The following PKIB variants were observed in gnomAD, a reference collection of about 807,000 sequenced individuals.
The protein encoded by PKIB is PKI-beta.
In PKIB, 2 loss-of-function variants were observed where a neutral mutation model predicts 4.5. The observed-to-expected ratio is 0.44, with a 90% CI of 0.18 to 1.39. PKIB has a LOEUF of 1.39. PKIB is among the 40% of genes most tolerant of loss of function. PKIB has a pLI of 0.27. For missense variants in PKIB, 94 were observed against 92.6 expected (o/e 1.02, Z -0.06); for synonymous variants, 38 against 36.0 (o/e 1.06, Z -0.20).
At chr6:122,723,465 T>A (rs971465936) in intron 4 of PKIB, among the ~76,000 whole-genome samples, 1 of 152,114 alleles carries the variant, frequency 6.6e-6, no homozygotes, top group Admixed American at 6.6e-5. Flanking sequence ...CATCCTTTTC[T>A]CCCCTCTTTT....
chr6:122,524,863 A>T (rs918943317), intron 2 of PKIB, among the ~76,000 whole-genome samples: 1 of 150,498 alleles, frequency 6.6e-6, no homozygotes, highest in South Asian at 2.1e-4. Flanking sequence ...CTTTTTTTTA[A>T]CATAATCTGC....
intron 2 of PKIB, among the ~76,000 whole-genome samples, chr6:122,660,912 T>TA (rs1776959515): frequency 6.6e-6 from 1 of 152,154 alleles, no homozygotes; most frequent in Non-Finnish European, 1.5e-5. Context: ...ATAAGACACT[T>TA]ACATTTATAG....
chr6:122,625,769 T>C (rs1228351107), intron 1 of PKIB, among the ~76,000 whole-genome samples: 1 of 152,050 alleles, frequency 6.6e-6, no homozygotes, highest in East Asian at 1.9e-4. Context: ...GGGAAAGAAA[T>C]AGACTACAGA....
intron 2 of PKIB, chr6:122,644,739 A>G (rs1391560835): frequency 4.1e-5 from 6 of 145,088 alleles, no homozygotes; most frequent in Non-Finnish European, 6.2e-5. Context: ...TTTGTTTTCA[A>G]TACATCTTGA....
intron 3 of PKIB, among the ~76,000 whole-genome samples, chr6:122,700,171 T>TTGTTGA (rs1778745346): frequency 7.7e-6 from 1 of 129,366 alleles, no homozygotes. Context: ...TAGGGTTCTG[T>TTGTTGA]TGTTGTTGTT....
Position 122,581,360 on chromosome 6 carries a change from C to A in PKIB, c.-247-4561C>A, listed in dbSNP as rs557886890. 3.3e-5 allele frequency among the ~76,000 whole-genome samples: 5 copies of A among 152,144 alleles called. No individual in the cohort carries two copies. The East Asian group carries it at 9.7e-4, about 29-fold the overall frequency. ...TGTTTTTGTTATAACATTTCTTTTA[C>A]AATATAAGACTATCCTTTCCATCTT... On this transcript the variant is annotated intron_variant, in intron 2 of 6. Coordinates refer to the PKIB transcript ENST00000392491.
intron 2 of PKIB, among the ~76,000 whole-genome samples, chr6:122,525,773 A>T (rs1333607689): frequency 2.6e-5 from 4 of 152,134 alleles, no homozygotes; most frequent in African/African-American, 7.2e-5. Flanking sequence ...CTGACTGATC[A>T]GGGTGGTGGT....
chr6:122,637,946 T>A (rs1775988543), intron 2 of PKIB, among the ~76,000 whole-genome samples: 1 of 152,174 alleles, frequency 6.6e-6, no homozygotes. Flanking sequence ...AGGCATTTTA[T>A]TTCAGTAGAA....
At chr6:122,593,108 A>G (rs1774065352) in intron 3 of PKIB, among the ~76,000 whole-genome samples, 1 of 152,284 alleles carries the variant, frequency 6.6e-6, no homozygotes, top group Non-Finnish European at 1.5e-5. Context: ...TTGTCCCTTT[A>G]CTGAGAGAAT....
intron 2 of PKIB, among the ~76,000 whole-genome samples, chr6:122,576,022 A>C (rs556672518): frequency 6.6e-6 from 1 of 152,316 alleles, no homozygotes; most frequent in Non-Finnish European, 1.5e-5. Context: ...TTTATATGAA[A>C]CTCTAGGAAA....
chr6:122,525,746 CTT>C (rs1006878897), intron 2 of PKIB, among the ~76,000 whole-genome samples: 18 of 152,180 alleles, frequency 1.2e-4, no homozygotes, highest in African/African-American at 4.1e-4. Context: ...AGGGTCTTGC[CTT>C]TATGTTGATG....
At chr6:122,723,306 G>A (rs184798873) in intron 4 of PKIB, among the ~76,000 whole-genome samples, 10 of 152,148 alleles carry the variant, frequency 6.6e-5, no homozygotes, top group African/African-American at 1.9e-4. Flanking sequence ...TGGCGTCTCC[G>A]CTTGGATATC....
intron 2 of PKIB, among the ~76,000 whole-genome samples, chr6:122,579,585 A>G (rs1773646784): frequency 6.6e-6 from 1 of 152,190 alleles, no homozygotes; most frequent in South Asian, 2.1e-4. Context: ...AAAGCAAAGT[A>G]TTATTTTTTA....
intron 1 of PKIB, among the ~76,000 whole-genome samples, chr6:122,623,445 G>A (rs1441028722): frequency 6.6e-6 from 1 of 152,040 alleles, no homozygotes; most frequent in African/African-American, 2.4e-5. Context: ...CTAAAATGTG[G>A]AGTAGAGAAA....
intron 2 of PKIB, among the ~76,000 whole-genome samples, chr6:122,522,251 C>T (rs1239413421): frequency 6.6e-6 from 1 of 152,096 alleles, no homozygotes; most frequent in African/African-American, 2.4e-5. Context: ...TTAAACAGTG[C>T]AAAAACTGTA....
intron 2 of PKIB, chr6:122,483,621 T>C (rs889042955): frequency 2.0e-5 from 3 of 152,198 alleles, no homozygotes; most frequent in Non-Finnish European, 4.4e-5. Context: ...TGGACTTATA[T>C]AGGATTTCAG....
intron 2 of PKIB, among the ~76,000 whole-genome samples, chr6:122,585,228 C>T (rs1200779231): frequency 6.6e-6 from 1 of 152,120 alleles, no homozygotes; most frequent in Non-Finnish European, 1.5e-5. Context: ...TTTTCCTTAG[C>T]AAAGCCAAGA....
chr6:122,568,872 C>T (rs1050924528), intron 2 of PKIB, among the ~76,000 whole-genome samples: 1 of 151,996 alleles, frequency 6.6e-6, no homozygotes, highest in Non-Finnish European at 1.5e-5. Flanking sequence ...AGCTTATGGC[C>T]TCGGGCAGGT....
rs1582664292 is a variant in PKIB, at chr6:122,506,732, C to G, written c.-248+28793C>G. On this transcript the variant is annotated intron_variant, in intron 2 of 6. Transcript: ENST00000392491. The stretch of plus-strand genomic sequence containing the variant: ...TTTTTTTTTTTGAGACGGAGTCTCG[C>G]TCTGTGGCCCAGGCGGGAGTGCAGT... Among the ~76,000 whole-genome samples, 10 of 137,588 alleles carry G rather than the reference C, an allele frequency of 7.3e-5. 1 individual carries two copies. In the South Asian group the frequency reaches 2.3e-3, roughly 32 times the overall value. The allele number at this position is 137,588 out of a possible 152,430, so 90.3% of individuals were successfully genotyped here. A position where few individuals can be genotyped will look rare whatever the true frequency, so the allele number is the denominator to read the frequency against.
Sources: gnomAD v4.1 joint callset for allele counts (sites outside exome capture counted in the v4.1 genomes callset) on GRCh38, gnomAD v4.1.1 for gene constraint, MANE v1.5 for transcripts, NCBI Gene and HGNC (gene_info 2026-07-23, HGNC 2026-07-21) for gene names.